Variants in FHIT observed in about 807,000 individuals in gnomAD.
The protein encoded by FHIT is fragile histidine triad diadenosine triphosphatase, also known as bis(5'-adenosyl)-triphosphatase.
Under a neutral mutation model 17.9 loss-of-function variants are expected in FHIT, and 19 were observed. The observed-to-expected ratio is 1.06, with a 90% CI of 0.74 to 1.56. The LOEUF is 1.56. FHIT is among the 40% of genes most tolerant of loss of function. The pLI is 0.00. For missense variants in FHIT, 248 were observed against 189.2 expected (o/e 1.31, Z -1.82); for synonymous variants, 81 against 69.7 (o/e 1.16, Z -0.81).
In FHIT at chr3:60,172,988, C is replaced by A. The variant is rs527347388; in HGVS notation, c.104-158836G>T. Among the ~76,000 whole-genome samples the A allele has an allele frequency of 6.6e-5, 10 of 152,156 alleles. No homozygotes were observed. The East Asian group carries it at 1.9e-3, about 29-fold the overall frequency. On this transcript the variant is annotated intron_variant, in intron 5 of 9. Transcript: ENST00000492590. Reference sequence around the variant, plus strand: ...TATGGGTAACGAATAAAACACATTCCCCCTATCTCCATTCTGTATGTATAT... The same window carrying A: ...TATGGGTAACGAATAAAACACATTCACCCTATCTCCATTCTGTATGTATAT...
chr3:60,929,514 T>A (rs1453705558), intron 3 of FHIT, among the ~76,000 whole-genome samples: 8 of 152,108 alleles, frequency 5.3e-5, no homozygotes, highest in African/African-American at 1.9e-4. Flanking sequence ...TTCAGCAAAG[T>A]CTCAGGATAC....
At chr3:60,530,665 T>C (rs1262274996) in intron 5 of FHIT, among the ~76,000 whole-genome samples, 2 of 152,104 alleles carry the variant, frequency 1.3e-5, no homozygotes, top group South Asian at 2.1e-4. Context: ...ACTGATCAGC[T>C]GGTATGTGAG....
chr3:61,170,564 C>T (rs147162846), intron 2 of FHIT, among the ~76,000 whole-genome samples: 5 of 152,194 alleles, frequency 3.3e-5, no homozygotes, highest in African/African-American at 1.2e-4. Flanking sequence ...GTGTTGTTCC[C>T]CTCTATGTGT....
chr3:60,085,761 G>C (rs1394449885), intron 5 of FHIT, among the ~76,000 whole-genome samples: 2 of 152,170 alleles, frequency 1.3e-5, no homozygotes, highest in Non-Finnish European at 2.9e-5. Flanking sequence ...TGGACAAGTT[G>C]TTTATCTTTT....
chr3:60,098,069 T>C (rs1455891173), intron 5 of FHIT, among the ~76,000 whole-genome samples: 2 of 151,502 alleles, frequency 1.3e-5, no homozygotes, highest in African/African-American at 2.4e-5. Context: ...GGCTGCATAG[T>C]ATTCCATGGT....
chr3:60,504,032 C>G (rs555845193), intron 5 of FHIT, among the ~76,000 whole-genome samples: 1 of 152,126 alleles, frequency 6.6e-6, no homozygotes, highest in Non-Finnish European at 1.5e-5. Context: ...TTTTACTACA[C>G]AGATAAATGA....
At chr3:61,206,334 G>C (rs2039228967) in intron 1 of FHIT, among the ~76,000 whole-genome samples, 1 of 135,466 alleles carries the variant, frequency 7.4e-6, no homozygotes. Flanking sequence ...CTTTAAAGTA[G>C]TTTTTTCCAA....
chr3:60,087,636 T>C (rs1326001526), intron 5 of FHIT, among the ~76,000 whole-genome samples: 1 of 152,168 alleles, frequency 6.6e-6, no homozygotes, highest in East Asian at 1.9e-4. Context: ...AGTTCGACCT[T>C]CCACAAAGCC....
chr3:59,816,753 T>C (rs966146139), intron 8 of FHIT, among the ~76,000 whole-genome samples: 2 of 152,230 alleles, frequency 1.3e-5, no homozygotes, highest in Non-Finnish European at 2.9e-5. Context: ...TGAACGATCT[T>C]ATCCCCTCTC....
intron 3 of FHIT, among the ~76,000 whole-genome samples, chr3:60,956,726 C>G (rs1424234604): frequency 6.6e-6 from 1 of 152,108 alleles, no homozygotes; most frequent in Non-Finnish European, 1.5e-5. Context: ...GGTGTAAAAC[C>G]AGAAGCTGGA....
At chr3:60,037,363 A>T (rs1042723330) in intron 5 of FHIT, among the ~76,000 whole-genome samples, 3 of 150,088 alleles carry the variant, frequency 2.0e-5, no homozygotes, top group Non-Finnish European at 4.4e-5. Context: ...CATTTAACCC[A>T]CTCAGCTTAC....
intron 7 of FHIT, among the ~76,000 whole-genome samples, chr3:59,948,857 C>CA (rs2107298778): frequency 6.6e-6 from 1 of 152,112 alleles, no homozygotes; most frequent in East Asian, 1.9e-4. Context: ...CCCACAGTTC[C>CA]ATGAATACTA....
chr3:59,903,469 A>G (rs1251940348), intron 8 of FHIT, among the ~76,000 whole-genome samples: 3 of 152,234 alleles, frequency 2.0e-5, no homozygotes. Context: ...TACTATATGG[A>G]AAGTTCTTAG....
chr3:61,071,736 G>A (rs913609977), intron 2 of FHIT, among the ~76,000 whole-genome samples: 11 of 152,108 alleles, frequency 7.2e-5, no homozygotes, highest in African/African-American at 2.7e-4. Flanking sequence ...CACAGAAAAT[G>A]ATCAGTACAT....
chr3:60,094,886 G>C (rs1434424667), intron 5 of FHIT, among the ~76,000 whole-genome samples: 1 of 152,056 alleles, frequency 6.6e-6, no homozygotes, highest in Non-Finnish European at 1.5e-5. Flanking sequence ...AAGCACCCAA[G>C]CGTTTTAAGT....
At chr3:61,222,438 T>G (rs2039864479) in intron 1 of FHIT, among the ~76,000 whole-genome samples, 2 of 152,170 alleles carry the variant, frequency 1.3e-5, no homozygotes, top group South Asian at 4.1e-4. Flanking sequence ...GCCTGCTGGC[T>G]CATGGCTTTG....
intron 4 of FHIT, chr3:60,618,093 A>T (rs72889632): frequency 0.014 from 2,213 of 156,320 alleles, 65 homozygotes; most frequent in African/African-American, 0.051. Flanking sequence ...AACACTGGGG[A>T]ATTTTTGAAA....
chr3:60,432,567 G>A (rs140539360), intron 5 of FHIT, among the ~76,000 whole-genome samples: 1 of 152,164 alleles, frequency 6.6e-6, no homozygotes, highest in African/African-American at 2.4e-5. Context: ...TGGCTTATCA[G>A]TACTTCATAA....
At chr3:59,963,504 T>C (rs1247756739) in intron 7 of FHIT, among the ~76,000 whole-genome samples, 1 of 151,948 alleles carries the variant, frequency 6.6e-6, no homozygotes, top group African/African-American at 2.4e-5. Flanking sequence ...GAAAGAGATA[T>C]CACAGAATTA....
Sources: allele counts gnomAD v4.1 joint callset (sites outside exome capture counted in the v4.1 genomes callset), GRCh38; gene constraint gnomAD v4.1.1; transcripts MANE v1.5; gene names NCBI Gene and HGNC (gene_info 2026-07-23, HGNC 2026-07-21).